The following CMTR1 variants were observed in gnomAD, a reference collection of about 807,000 sequenced individuals.
CMTR1 encodes the protein cap-specific mRNA (nucleoside-2'-O-)-methyltransferase 1.
Under a neutral mutation model 107.0 loss-of-function variants are expected in CMTR1, and 39 were observed. That is an observed-to-expected ratio of 0.36 (90% CI 0.28 to 0.48). The LOEUF is 0.48. CMTR1 is among the 20% of genes least tolerant of loss of function. The pLI is 0.99. For missense variants in CMTR1, 672 were observed against 1,064.9 expected (o/e 0.63, Z 5.14); for synonymous variants, 366 against 379.5 (o/e 0.96, Z 0.41).
At chr6:37,428,040 GA>G in the CMTR1 span, among the ~76,000 whole-genome samples, 1 of 148,176 alleles carries the variant, frequency 6.7e-6, no homozygotes, top group African/African-American at 2.5e-5. Context: ...GAGAGAGAGA[GA>G]GAGAGAGAGA....
chr6:37,461,640 G>T lies in CMTR1; in HGVS notation c.1187G>T (p.Arg396Leu). The T allele has an allele frequency of 6.3e-7, 1 of 1,597,504 alleles. No homozygotes were observed. The highest frequency in any genetic ancestry group is 8.6e-7 in the Non-Finnish European group (1 of 1,169,482). The stretch of plus-strand genomic sequence containing the variant: ...TTCCTCATGGCGCTGTCCATTGTCC[G>T]GACAGGTGACACTTCCTCAGCTGTC... Reference protein sequence around the residue: ...CQFLMALSIVRTGGHFICKTF... With the variant: ...CQFLMALSIVLTGGHFICKTF... The change falls in exon 11 of 24, where the codon CGG (arginine) becomes CTG (leucine). Residue 396 changes from arginine to leucine, a missense_variant. Arg to Leu is a moderately radical substitution (Grantham distance 102). Transcript: ENST00000373451.
Position 37,459,603 on chromosome 6 carries a change from C to T in CMTR1, c.1014C>T (p.Arg338=). The part of the protein sequence containing the change: ...GGIDGDGDIT[R]PENISAFRNF... ...TTGATGGAGATGGAGATATCACCCG[C>T]CCAGAGAACATCTCTGCTTTTCGGA... is the stretch of plus-strand genomic sequence containing the variant. Residue 338 remains arginine, a synonymous_variant, in exon 10 of 24, where the codon CGC becomes CGT. Coordinates refer to ENST00000373451, the MANE Select transcript of CMTR1 (RefSeq NM_015050.3). 1.2e-6 allele frequency: 2 copies of T among 1,614,178 alleles called. No homozygotes were observed. Among genetic ancestry groups the T allele is most frequent in the Non-Finnish European group, 1.7e-6 (2 of 1,180,014 alleles).
In CMTR1 at chr6:37,480,531, C is replaced by T; in HGVS notation, c.*386C>T. ...CACTTTTCTGAGTTCCATGCACTGCCCTGAGGGTAGCCATGCCCTTGCTTT... is the reference window on the plus strand; with the variant it reads ...CACTTTTCTGAGTTCCATGCACTGCTCTGAGGGTAGCCATGCCCTTGCTTT... On this transcript the variant is annotated 3_prime_UTR_variant, in exon 24 of 24. Transcript: ENST00000373451. 17 of 1,070,582 alleles carry T rather than the reference C, an allele frequency of 1.6e-5. No homozygotes were observed. The highest frequency in any genetic ancestry group is 1.9e-5 in the Non-Finnish European group (17 of 884,692). 66.3% of individuals were successfully genotyped at this position (1,070,582 alleles called of 1,614,324 possible).
chr6:37,471,139 C>A, intron 14 of CMTR1, 62 bp downstream of exon 14: 1 of 1,430,784 alleles, frequency 7.0e-7, no homozygotes, highest in Non-Finnish European at 9.6e-7. Context: ...TTTTCCTCCC[C>A]ACAAGCTGTT....
the CMTR1 span, among the ~76,000 whole-genome samples, chr6:37,426,640 C>T: frequency 6.6e-6 from 1 of 151,950 alleles, no homozygotes. Context: ...TTCAAGCTAT[C>T]CTCCCACCTC....
At position 37,473,648 on chromosome 6, in the gene CMTR1, C is replaced by T. The variant is rs753235125; in HGVS notation, c.1821+47C>T. 11 of 1,592,700 alleles carry T rather than the reference C, an allele frequency of 6.9e-6. No individual in the cohort carries two copies. The Admixed American group carries it at 1.4e-4, about 20-fold the overall frequency. ...TGCCCAGCTTGGAATGGTGGATTTG[C>T]CCTTTGCGGAATCTGGACAGCTGCC... On this transcript the variant is annotated intron_variant, in intron 17 of 23. Transcript: ENST00000373451.
chr6:37,435,600 G>A, intron 1 of CMTR1, 24 bp from the exon 2 acceptor site: 1 of 1,588,214 alleles, frequency 6.3e-7, no homozygotes, highest in Non-Finnish European at 8.5e-7. Context: ...AAGGGCAGCT[G>A]ACTGACTGGA....
Position 37,480,046 on chromosome 6 carries a change from G to A in CMTR1, c.2409G>A (p.Trp803Ter). The A allele has an allele frequency of 2.5e-6, 4 of 1,582,450 alleles. No homozygotes were observed. Among genetic ancestry groups the A allele is most frequent in the Non-Finnish European group, 3.4e-6 (4 of 1,168,302 alleles). The change falls in exon 24 of 24, where the codon TGG becomes TGA. Residue 803 changes from tryptophan to a stop codon, truncating the protein, a stop_gained. Coordinates refer to ENST00000373451, the MANE Select transcript of CMTR1 (RefSeq NM_015050.3). LOFTEE classifies it high-confidence loss of function. ...ICYYGRLFWE[W>*]GDGIRVHDSQ... ...ACTATGGCCGGCTCTTCTGGGAGTG[G>A]GGGGATGGCATTCGTGTGCATGACT...
At chr6:37,438,863 A>G (rs1277973499) in intron 2 of CMTR1, among the ~76,000 whole-genome samples, 2 of 152,196 alleles carry the variant, frequency 1.3e-5, no homozygotes, top group Admixed American at 6.5e-5. Flanking sequence ...CCTGAAATGT[A>G]TATGCAGCTT....
the CMTR1 span, among the ~76,000 whole-genome samples, chr6:37,425,526 C>A: frequency 6.6e-6 from 1 of 152,110 alleles, no homozygotes; most frequent in African/African-American, 2.4e-5. Context: ...GAACTCCTGA[C>A]TTTGTGATCC....
the CMTR1 span, among the ~76,000 whole-genome samples, chr6:37,426,869 C>G: frequency 5.9e-5 from 9 of 152,156 alleles, no homozygotes; most frequent in Non-Finnish European, 1.3e-4. Context: ...CCCTTTAAAT[C>G]TCCAGGAGTC....
intron 23 of CMTR1, 85 bp downstream of exon 23, chr6:37,479,340 C>T: frequency 1.0e-6 from 1 of 965,268 alleles, no homozygotes; most frequent in Admixed American, 1.7e-5. Context: ...GGGGGCACAC[C>T]CTGGGTCCTG....
In CMTR1 at chr6:37,480,174, A is replaced by G; in HGVS notation, c.*29A>G. ...CCTCAGAATGTGCCACCCCTGCAGA[A>G]TGCCCTGTCATTCCTGAGATGGGGC... is the stretch of plus-strand genomic sequence containing the variant. On this transcript the variant is annotated 3_prime_UTR_variant, in exon 24 of 24. Transcript: ENST00000373451. 6.3e-7 allele frequency: 1 copy of G among 1,594,440 alleles called. No individual in the cohort carries two copies. The highest frequency in any genetic ancestry group is 8.5e-7 in the Non-Finnish European group (1 of 1,172,048).
rs1164348568 is a variant in CMTR1 at position 37,481,061 on chromosome 6, T to C, written c.*916T>C. The C allele has an allele frequency of 7.7e-7, 1 of 1,304,290 alleles. No homozygotes were observed. Among genetic ancestry groups the C allele is most frequent in the Non-Finnish European group, 1.0e-6 (1 of 988,964 alleles). The allele number at this position is 1,304,290 out of a possible 1,614,324, so 80.8% of individuals were successfully genotyped here. On this transcript the variant is annotated 3_prime_UTR_variant, in exon 24 of 24. Transcript: ENST00000373451. Reference sequence around the variant, plus strand: ...TAGCCGCTCTAGGGTCTTGGCAGAATTCTGAGCTTGAAGTGCAGCTCCCTT... The same window carrying C: ...TAGCCGCTCTAGGGTCTTGGCAGAACTCTGAGCTTGAAGTGCAGCTCCCTT...
At chr6:37,466,968 G>A (rs1175081095) in intron 13 of CMTR1, among the ~76,000 whole-genome samples, 1 of 152,116 alleles carries the variant, frequency 6.6e-6, no homozygotes, top group Non-Finnish European at 1.5e-5. Context: ...TCAGGAGTTT[G>A]AGACTAGCCT....
upstream of CMTR1, among the ~76,000 whole-genome samples, chr6:37,431,012 CAAA>C (rs34543353): frequency 7.9e-5 from 4 of 50,366 alleles, no homozygotes; most frequent in African/African-American, 1.4e-4. Context: ...GACTCCGTCT[CAAA>C]AAAAAAAAAA....
the CMTR1 span, among the ~76,000 whole-genome samples, chr6:37,425,184 C>T: frequency 1.7e-4 from 25 of 150,742 alleles, no homozygotes; most frequent in Admixed American, 2.0e-4. Flanking sequence ...CTTCATGATC[C>T]GCCCGCCTTG....
At chr6:37,435,823 T>A in intron 2 of CMTR1, 61 bp downstream of exon 2, 1 of 1,511,732 alleles carries the variant, frequency 6.6e-7, no homozygotes, top group Non-Finnish European at 8.8e-7. Context: ...ACACAGTGTC[T>A]AATCTAGGTG....
chr6:37,472,458 C>G lies in CMTR1; in HGVS notation c.1660C>G (p.Pro554Ala). The G allele has an allele frequency of 6.2e-7, 1 of 1,614,176 alleles. No individual in the cohort carries two copies. Among genetic ancestry groups the G allele is most frequent in the Non-Finnish European group, 8.5e-7 (1 of 1,180,030 alleles). Residue 554 changes from proline to alanine, a missense_variant, in exon 16 of 24, where the codon CCT becomes GCT. Pro to Ala is a conservative substitution (Grantham distance 27, BLOSUM62 -1). Coordinates refer to ENST00000373451, the MANE Select transcript of CMTR1 (RefSeq NM_015050.3). This position sits in a 1 kb window ranked among gnomAD's most constrained non-coding sequence, Gnocchi z 4.1. ...TCGTGTGGCTCCTTCTTCCTCCGAC[C>G]CTAAATCGAAGTTCTTTGAGCTAAT... ...QARVAPSSSD[P>A]KSKFFELIQG... is the part of the protein sequence containing the mutation.
Sources: allele counts gnomAD v4.1 joint callset (sites outside exome capture counted in the v4.1 genomes callset), GRCh38; gene constraint gnomAD v4.1.1; non-coding constraint Gnocchi (gnomAD v3.1); transcripts MANE v1.5; gene names NCBI Gene and HGNC (gene_info 2026-07-23, HGNC 2026-07-21).